Variants in TENM1 observed in about 807,000 individuals in gnomAD.
TENM1 encodes teneurin transmembrane protein 1.
TENM1 carries 35 observed loss-of-function variants against 174.8 expected under a neutral mutation model. The ratio of observed to expected loss-of-function variants is 0.20; its 90% CI spans 0.15 to 0.27. The LOEUF is 0.27. TENM1 is among the 10% of genes least tolerant of loss of function. The pLI is 1.00. For synonymous variants in TENM1, 781 were observed against 798.7 expected, an observed-to-expected ratio of 0.98 and a Z score of 0.37; for missense variants, 1,633 against 2,130.1, an observed-to-expected ratio of 0.77 and a Z score of 4.59.
chrX:124,633,864 G>A (rs1460853537), intron 11 of TENM1, among the ~76,000 whole-genome samples: 1 of 111,081 alleles, frequency 9.0e-6, no homozygotes, highest in East Asian at 2.8e-4. Context: ...ACTTGGAATT[G>A]TCTTAAGGAT....
intron 3 of TENM1, among the ~76,000 whole-genome samples, chrX:124,862,758 G>A (rs2056936861): frequency 9.1e-6 from 1 of 110,123 alleles, no homozygotes; most frequent in Non-Finnish European, 1.9e-5. Context: ...AGTGGACTGG[G>A]AGGGGCATGT....
At chrX:124,455,008 T>A (rs1260876306) in intron 22 of TENM1, among the ~76,000 whole-genome samples, 1 of 111,668 alleles carries the variant, frequency 9.0e-6, no homozygotes, top group African/African-American at 3.3e-5. Context: ...TCATCTAGAG[T>A]CATTTTATAA....
chrX:124,836,767 C>T (rs912713120), intron 3 of TENM1, among the ~76,000 whole-genome samples: 1 of 112,443 alleles, frequency 8.9e-6, no homozygotes, highest in African/African-American at 3.2e-5. Context: ...TTCAGAGAAA[C>T]GAAATTACCT....
chrX:124,708,657 G>C (rs911098225), intron 4 of TENM1, among the ~76,000 whole-genome samples: 1 of 111,094 alleles, frequency 9.0e-6, no homozygotes, highest in Non-Finnish European at 1.9e-5. Flanking sequence ...TGGGAAAAGT[G>C]TTTACAGATA....
intron 5 of TENM1, among the ~76,000 whole-genome samples, chrX:124,680,541 T>TTC (rs2052208661): frequency 1.8e-5 from 2 of 110,777 alleles, no homozygotes; most frequent in Admixed American, 1.9e-4. Context: ...CAGACACAAT[T>TTC]ATTTAGTGGT....
intron 3 of TENM1, among the ~76,000 whole-genome samples, chrX:124,778,231 C>A (rs762171764): frequency 1.1e-3 from 126 of 112,504 alleles, no homozygotes; most frequent in Admixed American, 1.8e-3. Flanking sequence ...CGAGGTGGAG[C>A]CCCGGGAAGT....
intron 11 of TENM1, among the ~76,000 whole-genome samples, chrX:124,615,400 T>C (rs1409725009): frequency 8.9e-6 from 1 of 111,796 alleles, no homozygotes; most frequent in Non-Finnish European, 1.9e-5. Flanking sequence ...ACTGGGGAAA[T>C]TTGAGCAAAT....
chrX:124,631,079 A>T (rs949744325), intron 11 of TENM1, among the ~76,000 whole-genome samples: 4 of 112,074 alleles, frequency 3.6e-5, no homozygotes, highest in Non-Finnish European at 7.5e-5. Flanking sequence ...AAAGCCAAAA[A>T]CAAGAATGCA....
chrX:125,161,039 TAAAAAAAAA>T, the TENM1 span, among the ~76,000 whole-genome samples: 2 of 53,444 alleles, frequency 3.7e-5, no homozygotes, highest in African/African-American at 1.4e-4. Flanking sequence ...GGCCAAAAAG[TAAAAAAAAA>T]AAAAAAAAAA....
At chrX:124,813,422 TA>T (rs1251883896) in intron 3 of TENM1, among the ~76,000 whole-genome samples, 1 of 111,498 alleles carries the variant, frequency 9.0e-6, no homozygotes, top group African/African-American at 3.3e-5. Context: ...TTTATCAAAA[TA>T]AAAAATGCAC....
At chrX:124,905,525 T>C (rs1363091351) in intron 1 of TENM1, among the ~76,000 whole-genome samples, 1 of 111,530 alleles carries the variant, frequency 9.0e-6, no homozygotes, top group Admixed American at 9.5e-5. Context: ...ACAAAATGTA[T>C]GAAACAACAG....
Position 124,607,472 on chromosome X carries a change from G to A in TENM1, c.2077+34319C>T, listed in dbSNP as rs753691326. ...AGGCAGGCAGAAAGAATACCAAGAA[G>A]AAATGTTCTAAAACAGGAGCATTAT... On this transcript the variant is annotated intron_variant, in intron 11 of 31. Transcript: ENST00000422452. 4.0e-3 allele frequency among the ~76,000 whole-genome samples: 440 copies of A among 111,006 alleles called. 5 individuals carry two copies. Among genetic ancestry groups the A allele is most frequent in the African/African-American group, 0.014 (415 of 30,589 alleles).
the TENM1 span, among the ~76,000 whole-genome samples, chrX:125,028,956 T>C: frequency 8.9e-6 from 1 of 111,817 alleles, no homozygotes; most frequent in Non-Finnish European, 1.9e-5. Context: ...TATGCGAGAA[T>C]TTGCTATGTG....
In TENM1 at chrX:124,414,517, A is replaced by G. The variant is rs147045169; in HGVS notation, c.4982+5794T>C. ...CTCAGGCCAGTATTCGTGCCTTGAC[A>G]ATCACTTCCTTGTTAGCTGTTTCTC... On this transcript the variant is annotated intron_variant, in intron 25 of 31. Coordinates refer to ENST00000422452, the Ensembl canonical transcript of TENM1. 1.3e-3 allele frequency among the ~76,000 whole-genome samples: 144 copies of G among 109,059 alleles called. 1 individual carries two copies. Among genetic ancestry groups the G allele is most frequent in the African/African-American group, 4.6e-3 (138 of 29,879 alleles). 94.7% of individuals were successfully genotyped at this position (109,059 alleles called of 115,157 possible).
At chrX:124,886,162 T>G (rs2147534043) in intron 3 of TENM1, among the ~76,000 whole-genome samples, 1 of 111,679 alleles carries the variant, frequency 9.0e-6, no homozygotes, top group Admixed American at 9.5e-5. Context: ...CTTCATTTTC[T>G]AAGCTCTTTT....
At chrX:125,163,311 C>T in the TENM1 span, among the ~76,000 whole-genome samples, 1,005 of 110,287 alleles carry the variant, frequency 9.1e-3, 10 homozygotes, top group African/African-American at 0.031. Flanking sequence ...TTGCAACAGG[C>T]TGTCATGACC....
intron 23 of TENM1, among the ~76,000 whole-genome samples, chrX:124,441,871 ATGTT>A (rs1232114993): frequency 6.3e-5 from 7 of 111,867 alleles, no homozygotes; most frequent in Non-Finnish European, 1.3e-4. Flanking sequence ...GATAGAGTAA[ATGTT>A]TGGCATAAGG....
intron 1 of TENM1, among the ~76,000 whole-genome samples, chrX:124,956,405 G>A (rs1366671180): frequency 8.9e-6 from 1 of 112,091 alleles, no homozygotes; most frequent in Non-Finnish European, 1.9e-5. Context: ...CAATGCTTGC[G>A]TGAAATGCCA....
chrX:124,541,382 T>A (rs984147896), intron 15 of TENM1, among the ~76,000 whole-genome samples: 1 of 111,761 alleles, frequency 8.9e-6, no homozygotes, highest in Non-Finnish European at 1.9e-5. Context: ...ATCACAAGAG[T>A]GAGTGAGTTC....
Sources: gnomAD v4.1 joint callset for allele counts (sites outside exome capture counted in the v4.1 genomes callset) on GRCh38, gnomAD v4.1.1 for gene constraint, MANE v1.5 for transcripts, NCBI Gene and HGNC (gene_info 2026-07-23, HGNC 2026-07-21) for gene names.